The following VPS35L variants were observed in gnomAD, a reference collection of about 807,000 sequenced individuals.
VPS35L encodes the protein VPS35 endosomal protein-sorting factor-like.
Under a neutral mutation model 133.0 loss-of-function variants are expected in VPS35L, and 83 were observed. That is an observed-to-expected ratio of 0.62 (90% CI 0.52 to 0.75). The LOEUF (loss-of-function observed/expected upper bound fraction) is 0.75, where lower values mean the gene tolerates loss of function less well. Ranked by LOEUF, VPS35L falls within the 30% of genes least tolerant of loss-of-function variation. VPS35L has a pLI of 0.00. For missense variants in VPS35L, 1,083 were observed against 1,206.8 expected (o/e 0.90, Z 1.52); for synonymous variants, 423 against 449.9 (o/e 0.94, Z 0.76).
intron 18 of VPS35L, among the ~76,000 whole-genome samples, chr16:19,630,570 G>T (rs952540938): frequency 6.6e-6 from 1 of 151,984 alleles, no homozygotes. Flanking sequence ...TCCTGAGCTC[G>T]CAATCAGCCC....
Position 19,650,430 on chromosome 16 carries a change from C to A in VPS35L, c.2077C>A (p.His693Asn), listed in dbSNP as rs1476724932. 9.9e-6 allele frequency: 16 copies of A among 1,613,684 alleles called. No individual in the cohort carries two copies. The highest frequency in any genetic ancestry group is 1.3e-5 in the Non-Finnish European group (15 of 1,179,768). ...METRKVMKGN[H>N]SRKTAAFVRA... ...GACAAGAAAAGTAATGAAAGGAAAT[C>A]ATTCCAGAAAGACAGCTGCATTTGT... Residue 693 changes from histidine to asparagine, a missense_variant, in exon 25 of 31, where the codon CAT (histidine) becomes AAT (asparagine). Coordinates refer to ENST00000417362, the MANE Select transcript of VPS35L (RefSeq NM_020314.7).
At chr16:19,647,525 A>G (rs561226097) in intron 23 of VPS35L, among the ~76,000 whole-genome samples, 1 of 152,300 alleles carries the variant, frequency 6.6e-6, no homozygotes, top group South Asian at 2.1e-4. Flanking sequence ...GCCCCCAATA[A>G]CCACATTTAT....
At chr16:19,655,501 C>T (rs1441553788) in intron 26 of VPS35L, among the ~76,000 whole-genome samples, 3 of 152,188 alleles carry the variant, frequency 2.0e-5, no homozygotes, top group African/African-American at 7.2e-5. Flanking sequence ...TGTTGCCTCC[C>T]TTAATCCGGC....
chr16:19,595,805 CCTT>C (rs1375813896), intron 8 of VPS35L, among the ~76,000 whole-genome samples: 2 of 152,164 alleles, frequency 1.3e-5, no homozygotes, highest in Non-Finnish European at 2.9e-5. Context: ...CAGTGGTAAA[CCTT>C]CAACAGATGA....
At position 19,581,644 on chromosome 16, in the gene VPS35L, A is replaced by C. The variant is rs1193599464; in HGVS notation, c.630A>C (p.Ile210=). 3 of 1,613,860 alleles carry C rather than the reference A, an allele frequency of 1.9e-6. No individual in the cohort carries two copies. Among genetic ancestry groups the C allele is most frequent in the East Asian group, 2.2e-5 (1 of 44,868 alleles). The change falls in exon 7 of 31, where the codon ATA becomes ATC. Residue 210 remains isoleucine (I), a synonymous_variant. Coordinates refer to ENST00000417362, the MANE Select transcript of VPS35L (RefSeq NM_020314.7). ...ASDQKVKALK[I]VIQCSKLLSD... Reference sequence around the variant, plus strand: ...ACCAGAAAGTGAAGGCTCTAAAAATAGTCATCCAGGTTAGCTCTAGTGATC... The same window carrying C: ...ACCAGAAAGTGAAGGCTCTAAAAATCGTCATCCAGGTTAGCTCTAGTGATC...
intron 27 of VPS35L, among the ~76,000 whole-genome samples, chr16:19,671,518 A>G (rs926694080): frequency 3.4e-5 from 5 of 146,562 alleles, no homozygotes; most frequent in African/African-American, 1.0e-4. Context: ...GGCTCACTCC[A>G]GTAATCCCAA....
intron 26 of VPS35L, among the ~76,000 whole-genome samples, chr16:19,660,383 G>T (rs1197626773): frequency 6.6e-6 from 1 of 152,014 alleles, no homozygotes; most frequent in South Asian, 2.1e-4. Context: ...GATCTTCCTG[G>T]GCTAGGACAG....
intron 14 of VPS35L, chr16:19,617,848 AT>A: frequency 6.3e-6 from 1 of 157,566 alleles, no homozygotes; most frequent in Non-Finnish European, 1.4e-5. Context: ...TGCCTGGCTA[AT>A]TTTTTGTATT....
intron 21 of VPS35L, among the ~76,000 whole-genome samples, 155 bp from the exon 22 acceptor site, chr16:19,642,241 G>A (rs1426242856): frequency 6.6e-6 from 1 of 152,158 alleles, no homozygotes; most frequent in Non-Finnish European, 1.5e-5. Context: ...GAGACAACCA[G>A]AGAACATGGC....
chr16:19,699,764 A>G lies in VPS35L; in HGVS notation c.2793+116A>G. Reference sequence around the variant, plus strand: ...CAACCCCATACTCCCCTTTTAGAAAAGCACTTGGTCCATTTCTACTGGATC... The same window carrying G: ...CAACCCCATACTCCCCTTTTAGAAAGGCACTTGGTCCATTTCTACTGGATC... On this transcript the variant is annotated intron_variant, in intron 30 of 30. Coordinates refer to ENST00000417362, the MANE Select transcript of VPS35L (RefSeq NM_020314.7). The surrounding 1 kb of genome is among the most constrained non-coding windows in gnomAD (Gnocchi z 4.2). The G allele has an allele frequency of 7.3e-7, 1 of 1,371,734 alleles. No individual in the cohort carries two copies. The highest frequency in any genetic ancestry group is 1.0e-6 in the Non-Finnish European group (1 of 999,520). The allele number at this position is 1,371,734 out of a possible 1,614,324, so 85.0% of individuals were successfully genotyped here.
chr16:19,695,498 C>T (rs1975874272), intron 29 of VPS35L, among the ~76,000 whole-genome samples: 2 of 152,146 alleles, frequency 1.3e-5, no homozygotes, highest in African/African-American at 4.8e-5. Flanking sequence ...CTGAAAATGT[C>T]TGTCCATATG....
intron 14 of VPS35L, 99 bp from the exon 15 acceptor site, chr16:19,626,078 C>A: frequency 4.1e-6 from 3 of 735,868 alleles, no homozygotes; most frequent in Non-Finnish European, 6.7e-6. Flanking sequence ...GGACATGTGG[C>A]TACATTCATT....
chr16:19,652,014 G>A lies in VPS35L; in HGVS notation c.2145G>A (p.Leu715=). The A allele has an allele frequency of 6.2e-7, 1 of 1,613,588 alleles. No homozygotes were observed. The highest frequency in any genetic ancestry group is 8.5e-7 in the Non-Finnish European group (1 of 1,179,764). Residue 715 remains leucine, a synonymous_variant, in exon 26 of 31, where the codon CTG becomes CTA. Transcript: ENST00000417362. The part of the protein sequence containing the change: ...VAYCFITIPS[L]AGIFTRLNLY... ...ACTGCTTCATCACCATCCCCTCCCTGGCGGGCATCTTCACACGTCTCAATC... is the reference window on the plus strand; with the variant it reads ...ACTGCTTCATCACCATCCCCTCCCTAGCGGGCATCTTCACACGTCTCAATC...
At chr16:19,666,910 T>TCC (rs2151602530) in intron 26 of VPS35L, among the ~76,000 whole-genome samples, 2 of 67,260 alleles carry the variant, frequency 3.0e-5, no homozygotes, top group African/African-American at 1.1e-4. Flanking sequence ...CTTTCTTTCT[T>TCC]TCTTTCTTTC....
At chr16:19,558,915 T>G (rs1005471698) in intron 1 of VPS35L, among the ~76,000 whole-genome samples, 2 of 117,450 alleles carry the variant, frequency 1.7e-5, no homozygotes, top group Non-Finnish European at 3.7e-5. Context: ...ACAGTGAGAC[T>G]CCGTCTCAAA....
intron 29 of VPS35L, among the ~76,000 whole-genome samples, chr16:19,697,812 G>A (rs1729299341): frequency 6.6e-6 from 1 of 152,234 alleles, no homozygotes; most frequent in Admixed American, 6.5e-5. Flanking sequence ...GCGACCCTGA[G>A]TGTGTGGCCT....
rs753869215 is a variant in VPS35L, at chr16:19,699,990, G to A, written c.2793+342G>A. ...TGCACATGTGTAGTCCCAGCTACTC[G>A]GGAGGCTGAAGAGGGAGGATGGCTT... On this transcript the variant is annotated intron_variant, in intron 30 of 30. Coordinates refer to ENST00000417362, the MANE Select transcript of VPS35L (RefSeq NM_020314.7). The surrounding 1 kb of genome is among the most constrained non-coding windows in gnomAD (Gnocchi z 4.2). 9.9e-5 allele frequency among the ~76,000 whole-genome samples: 15 copies of A among 152,114 alleles called. No individual in the cohort carries two copies. Among genetic ancestry groups the A allele is most frequent in the African/African-American group, 3.1e-4 (13 of 41,430 alleles).
At chr16:19,658,272 G>A (rs1366772118) in intron 26 of VPS35L, among the ~76,000 whole-genome samples, 1 of 152,192 alleles carries the variant, frequency 6.6e-6, no homozygotes, top group East Asian at 1.9e-4. Flanking sequence ...GCTCAGACCT[G>A]TAATCCCAGC....
rs550054440 is a variant in VPS35L, at chr16:19,670,006, C to T, written c.2361+707C>T. Among the ~76,000 whole-genome samples the T allele has an allele frequency of 5.9e-4, 90 of 152,116 alleles. 3 individuals are homozygous for T. In the South Asian group the frequency reaches 0.015, roughly 25 times the overall value. ...TTTGTTTAGGAGTCTTGCTCTGTCA[C>T]CCAGGCTGGAGTGCAGTGGTGCAGT... On this transcript the variant is annotated intron_variant, in intron 27 of 30. Transcript: ENST00000417362.
Sources: gnomAD v4.1 joint callset for allele counts (sites outside exome capture counted in the v4.1 genomes callset) on GRCh38, gnomAD v4.1.1 for gene constraint, Gnocchi (gnomAD v3.1) non-coding constraint, MANE v1.5 for transcripts, NCBI Gene and HGNC (gene_info 2026-07-23, HGNC 2026-07-21) for gene names.